Variants in PDE12 observed in about 807,000 individuals in gnomAD.
PDE12 encodes 2',5'-phosphodiesterase 12.
A neutral mutation model predicts 45.4 loss-of-function variants in PDE12; 26 were observed. The ratio of observed to expected loss-of-function variants is 0.57; its 90% CI spans 0.42 to 0.79. The LOEUF is 0.79. Ranked by LOEUF, PDE12 falls within the 30% of genes least tolerant of loss-of-function variation. The pLI is 0.00. For missense variants in PDE12, 668 were observed against 790.0 expected, an observed-to-expected ratio of 0.85 and a Z score of 1.85; for synonymous variants, 283 against 323.9, an observed-to-expected ratio of 0.87 and a Z score of 1.36.
chr3:57,583,905 T>C, the PDE12 span: 1 of 1,588,342 alleles, frequency 6.3e-7, no homozygotes. Context: ...TACCTGGGTA[T>C]TCTGGAAGTA....
chr3:57,588,697 C>T, the PDE12 span, among the ~76,000 whole-genome samples: 1 of 127,744 alleles, frequency 7.8e-6, no homozygotes, highest in African/African-American at 3.1e-5. Flanking sequence ...CTACTCACAC[C>T]TGTAATCCCA....
At chr3:57,609,515 G>A in the PDE12 span, among the ~76,000 whole-genome samples, 128 of 151,624 alleles carry the variant, frequency 8.4e-4, 1 homozygote, top group Non-Finnish European at 1.6e-3. Flanking sequence ...AGAGAGAGAA[G>A]AATCAAATAG....
chr3:57,582,483 C>T, the PDE12 span, among the ~76,000 whole-genome samples: 16 of 152,134 alleles, frequency 1.1e-4, no homozygotes, highest in African/African-American at 3.6e-4. Flanking sequence ...CCTCGTGATC[C>T]GCCCGCCTCA....
At chr3:57,570,697 G>A (rs567379502), downstream of PDE12, among the ~76,000 whole-genome samples, 8 of 152,218 alleles carry the variant, frequency 5.3e-5, no homozygotes, top group East Asian at 1.9e-4. Context: ...CTTAATAGAT[G>A]TAGTTTATGA....
the PDE12 span, among the ~76,000 whole-genome samples, chr3:57,605,956 A>G: frequency 6.6e-6 from 1 of 152,182 alleles, no homozygotes; most frequent in Non-Finnish European, 1.5e-5. Context: ...GAAACAGAAA[A>G]GAGTCAAAAA....
chr3:57,623,274 CAAA>C, the PDE12 span, among the ~76,000 whole-genome samples: 1 of 151,882 alleles, frequency 6.6e-6, no homozygotes. Flanking sequence ...AACAAACAAA[CAAA>C]AAACTGATTT....
chr3:57,556,829 C>A lies in PDE12; in HGVS notation c.450C>A (p.Ile150=), dbSNP rs1364915047. 32 of 1,613,728 alleles carry A rather than the reference C, an allele frequency of 2.0e-5. No individual in the cohort carries two copies. Among genetic ancestry groups the A allele is most frequent in the African/African-American group, 2.7e-5 (2 of 74,944 alleles). ...DAWQDGAVLQ[I]GDVKYKVERN... is the part of the protein sequence containing the mutation. ...GGCAAGACGGCGCGGTGCTGCAGAT[C>A]GGCGATGTTAAGTACAAGGTGGAGC... The change falls in exon 1 of 3, where the codon ATC becomes ATA. Residue 150 remains isoleucine (I), a synonymous_variant. Coordinates refer to ENST00000311180, the MANE Select transcript of PDE12 (RefSeq NM_177966.7). This position sits in a 1 kb window ranked among gnomAD's most constrained non-coding sequence, Gnocchi z 5.0.
Position 57,557,422 on chromosome 3 carries a change from G to C in PDE12, c.1043G>C (p.Cys348Ser), listed in dbSNP as rs756340112. ...ACCGGCTACAACGCCGATGTCATCTGTTTGCAGGAGGTTGACCGCGCAGTG... is the reference window on the plus strand; with the variant it reads ...ACCGGCTACAACGCCGATGTCATCTCTTTGCAGGAGGTTGACCGCGCAGTG... ...ELTGYNADVI[C>S]LQEVDRAVFS... The change falls in exon 1 of 3, where the codon TGT (cysteine) becomes TCT (serine). Residue 348 changes from cysteine (C) to serine (S), a missense_variant. Physicochemically the swap from Cys to Ser is moderately radical, Grantham distance 112. Transcript: ENST00000311180. The C allele has an allele frequency of 1.9e-6, 3 of 1,614,006 alleles. No individual in the cohort carries two copies. The highest frequency in any genetic ancestry group is 1.7e-5 in the Admixed American group (1 of 60,000).
the PDE12 span, chr3:57,631,289 C>A: frequency 4.7e-6 from 1 of 212,294 alleles, no homozygotes; most frequent in Non-Finnish European, 9.3e-6. Context: ...CTCTGCCCCC[C>A]GGGTTCAAGC....
rs1218378308 is a variant in PDE12, at chr3:57,565,596, G to A, written c.*5592G>A. 1 of 152,152 alleles carries A rather than the reference G, an allele frequency of 6.6e-6. No homozygotes were observed. The highest frequency in any genetic ancestry group is 1.5e-5 in the Non-Finnish European group (1 of 68,078). 9.4% of individuals were successfully genotyped at this position (152,152 alleles called of 1,614,324 possible). A position where few individuals can be genotyped will look rare whatever the true frequency, so the allele number is the denominator to read the frequency against. On this transcript the variant is annotated 3_prime_UTR_variant, in exon 3 of 3. Coordinates refer to ENST00000311180, the MANE Select transcript of PDE12 (RefSeq NM_177966.7). Reference sequence around the variant, plus strand: ...CTGAGGCCGGTGGATCATGAGGTCAGATCGAGACCATCCTGGCCAACATGG... The same window carrying A: ...CTGAGGCCGGTGGATCATGAGGTCAAATCGAGACCATCCTGGCCAACATGG...
At chr3:57,589,572 G>C in the PDE12 span, among the ~76,000 whole-genome samples, 1 of 150,974 alleles carries the variant, frequency 6.6e-6, no homozygotes, top group Non-Finnish European at 1.5e-5. Context: ...ACAAAAATTA[G>C]CTAGGCGTGG....
At chr3:57,568,413 C>T (rs965137203), downstream of PDE12, among the ~76,000 whole-genome samples, 7 of 151,992 alleles carry the variant, frequency 4.6e-5, no homozygotes, top group Non-Finnish European at 8.8e-5. Context: ...TGTGATCATG[C>T]CACTGCACTC....
chr3:57,578,081 A>G, the PDE12 span, among the ~76,000 whole-genome samples: 1 of 152,072 alleles, frequency 6.6e-6, no homozygotes, highest in Non-Finnish European at 1.5e-5. Flanking sequence ...CCATGAATTT[A>G]CTAACTGAAT....
At chr3:57,628,204 T>G in the PDE12 span, 1 of 1,609,332 alleles carries the variant, frequency 6.2e-7, no homozygotes, top group Non-Finnish European at 8.5e-7. Flanking sequence ...CTGGAAAATC[T>G]TGGCAAATAT....
the PDE12 span, among the ~76,000 whole-genome samples, chr3:57,575,857 TC>T: frequency 2.0e-5 from 3 of 152,204 alleles, no homozygotes; most frequent in Non-Finnish European, 4.4e-5. Context: ...GAGCAAACAA[TC>T]ATATGCCTTC....
the PDE12 span, among the ~76,000 whole-genome samples, chr3:57,625,142 C>T: frequency 2.0e-4 from 31 of 152,272 alleles, no homozygotes; most frequent in Non-Finnish European, 1.0e-4. Flanking sequence ...TGAGCTTAAA[C>T]GATCCTCCTG....
the PDE12 span, among the ~76,000 whole-genome samples, chr3:57,587,927 AT>A: frequency 6.6e-6 from 1 of 152,248 alleles, no homozygotes; most frequent in African/African-American, 2.4e-5. Context: ...TGAAAAAGGT[AT>A]TTATAAGCTT....
the PDE12 span, among the ~76,000 whole-genome samples, chr3:57,609,341 C>T: frequency 3.3e-5 from 5 of 152,010 alleles, no homozygotes; most frequent in Non-Finnish European, 7.4e-5. Context: ...GAAGCAAGAG[C>T]AAACACATTG....
At chr3:57,608,349 C>G in the PDE12 span, among the ~76,000 whole-genome samples, 55 of 152,106 alleles carry the variant, frequency 3.6e-4, no homozygotes, top group African/African-American at 1.3e-3. Flanking sequence ...AAATAACCAG[C>G]TAACATCATA....
Sources: allele counts gnomAD v4.1 joint callset (sites outside exome capture counted in the v4.1 genomes callset), GRCh38; gene constraint gnomAD v4.1.1; non-coding constraint Gnocchi (gnomAD v3.1); transcripts MANE v1.5; gene names NCBI Gene and HGNC (gene_info 2026-07-23, HGNC 2026-07-21).